The following PHACTR1 variants were observed in gnomAD, a reference collection of about 807,000 sequenced individuals.
The protein encoded by PHACTR1 is RPEL repeat containing 1.
Under a neutral mutation model 69.2 loss-of-function variants are expected in PHACTR1, and 16 were observed. The observed-to-expected ratio is 0.23, with a 90% CI of 0.16 to 0.35. The LOEUF (loss-of-function observed/expected upper bound fraction) is 0.35. PHACTR1 is among the 10% of genes least tolerant of loss of function. The probability of loss-of-function intolerance (pLI) is 1.00; values close to 1 mark genes in which losing one functional copy is unlikely to be tolerated. For synonymous variants in PHACTR1, 312 were observed against 284.5 expected (o/e 1.10, Z -0.97); for missense variants, 510 against 734.7 (o/e 0.69, Z 3.54).
At chr6:12,962,365 C>T (rs1792862517) in intron 4 of PHACTR1, among the ~76,000 whole-genome samples, 1 of 152,168 alleles carries the variant, frequency 6.6e-6, no homozygotes, top group Admixed American at 6.5e-5. Flanking sequence ...GTCAGGGCCT[C>T]AACATATGAA....
At chr6:12,772,292 T>C (rs7755132) in intron 4 of PHACTR1, among the ~76,000 whole-genome samples, 1,949 of 152,334 alleles carry the variant, frequency 0.013, 48 homozygotes, top group African/African-American at 0.044. Context: ...GGTTCACATA[T>C]TGATTTTTGT....
chr6:13,078,283 C>T (rs1040375630), intron 5 of PHACTR1, among the ~76,000 whole-genome samples: 5 of 152,170 alleles, frequency 3.3e-5, no homozygotes, highest in South Asian at 2.1e-4. Context: ...CCTCTGCCTT[C>T]GGCTTCACAT....
chr6:12,751,559 C>T (rs1211396326), intron 4 of PHACTR1, among the ~76,000 whole-genome samples: 1 of 152,336 alleles, frequency 6.6e-6, no homozygotes, highest in African/African-American at 2.4e-5. Flanking sequence ...ACTTTTATCA[C>T]AAAACAATAA....
At chr6:13,097,444 T>A (rs531983301) in intron 5 of PHACTR1, among the ~76,000 whole-genome samples, 2 of 152,232 alleles carry the variant, frequency 1.3e-5, no homozygotes, top group Non-Finnish European at 2.9e-5. Context: ...TTTTTGTTGT[T>A]ACACTGATCG....
At chr6:12,944,777 A>ATTTATTTTTTTTTTTTTTTTTTT (rs1554172498) in intron 4 of PHACTR1, among the ~76,000 whole-genome samples, 1 of 135,764 alleles carries the variant, frequency 7.4e-6, no homozygotes, top group African/African-American at 2.9e-5. Flanking sequence ...TTATTTATTT[A>ATTTATTTTTTTTTTTTTTTTTTT]TTTTTATTTA....
At chr6:13,178,090 T>C (rs959510360) in intron 6 of PHACTR1, among the ~76,000 whole-genome samples, 1 of 152,220 alleles carries the variant, frequency 6.6e-6, no homozygotes, top group Non-Finnish European at 1.5e-5. Flanking sequence ...GCTTTCTATG[T>C]CTCATGATTT....
At chr6:13,184,084 C>T (rs557779038) in intron 7 of PHACTR1, among the ~76,000 whole-genome samples, 1 of 152,328 alleles carries the variant, frequency 6.6e-6, no homozygotes, top group East Asian at 1.9e-4. Context: ...TCCCTTGCCT[C>T]GTCAAAGTTT....
Position 13,283,943 on chromosome 6 carries a change from AAAGAG to A in PHACTR1, c.1650+386_1650+390del, listed in dbSNP as rs1361459229. 4 of 219,812 alleles carry A rather than the reference AAAGAG, an allele frequency of 1.8e-5. No homozygotes were observed. Among genetic ancestry groups the A allele is most frequent in the Admixed American group, 1.1e-4 (2 of 18,872 alleles). 13.6% of individuals were successfully genotyped at this position (219,812 alleles called of 1,614,324 possible). A position where few individuals can be genotyped will look rare whatever the true frequency, so the allele number is the denominator to read the frequency against. On this transcript the variant is annotated intron_variant, in intron 13 of 14. Transcript: ENST00000332995. This position sits in a 1 kb window ranked among gnomAD's most constrained non-coding sequence, Gnocchi z 4.7. ...ATCCAACGAGGGATTCACCAAACCA[AAAGAG>A]AAGACAAAGTAGACGCATAACCCCA...
At chr6:12,812,270 G>A (rs137960555) in intron 4 of PHACTR1, among the ~76,000 whole-genome samples, 1,753 of 152,168 alleles carry the variant, frequency 0.012, 39 homozygotes, top group African/African-American at 0.04. Context: ...TTTGTGTCTG[G>A]CTTCTCTCAC....
At chr6:13,163,875 A>T (rs1443922851) in intron 6 of PHACTR1, among the ~76,000 whole-genome samples, 1 of 152,186 alleles carries the variant, frequency 6.6e-6, no homozygotes, top group African/African-American at 2.4e-5. Flanking sequence ...GTGACTTTAT[A>T]GCAATCTATA....
chr6:13,086,994 C>A (rs1261384284), intron 5 of PHACTR1, among the ~76,000 whole-genome samples: 1 of 151,840 alleles, frequency 6.6e-6, no homozygotes, highest in African/African-American at 2.4e-5. Flanking sequence ...TTCAAATTTG[C>A]ATTTTCATAA....
At chr6:13,266,676 A>G (rs1584312592) in intron 10 of PHACTR1, 1 of 152,568 alleles carries the variant, frequency 6.6e-6, no homozygotes, top group Middle Eastern at 3.4e-3. Flanking sequence ...GGAGTCTCAC[A>G]TTGGAGGAGC....
chr6:13,218,932 A>G (rs1401428355), intron 8 of PHACTR1, among the ~76,000 whole-genome samples: 3 of 151,142 alleles, frequency 2.0e-5, no homozygotes, highest in Non-Finnish European at 3.0e-5. Flanking sequence ...GAAAAAGGGA[A>G]AGGAGGCAGA....
At chr6:12,798,039 G>GACACACACACACAC (rs10529531) in intron 4 of PHACTR1, among the ~76,000 whole-genome samples, 63,016 of 137,676 alleles carry the variant, frequency 0.46, 16,522 homozygotes, top group South Asian at 0.65. Context: ...TCATTTCCTA[G>GACACACACACACAC]ACACACACAC....
At chr6:13,221,970 G>A (rs967877611) in intron 8 of PHACTR1, among the ~76,000 whole-genome samples, 5 of 152,064 alleles carry the variant, frequency 3.3e-5, no homozygotes, top group Non-Finnish European at 7.4e-5. Context: ...AGGAGGCGGA[G>A]GTTGCAGTGA....
intron 7 of PHACTR1, among the ~76,000 whole-genome samples, chr6:13,196,856 G>C (rs188356315): frequency 5.9e-5 from 9 of 152,294 alleles, no homozygotes; most frequent in African/African-American, 2.2e-4. Flanking sequence ...TCTTTCGCAA[G>C]CCTCTCTGCT....
At chr6:13,261,725 T>A (rs1279927017) in intron 10 of PHACTR1, among the ~76,000 whole-genome samples, 1 of 152,216 alleles carries the variant, frequency 6.6e-6, no homozygotes, top group Non-Finnish European at 1.5e-5. Context: ...GTATGGAACA[T>A]GCAGGAATAT....
intron 6 of PHACTR1, among the ~76,000 whole-genome samples, chr6:13,175,400 G>C (rs186973362): frequency 6.6e-6 from 1 of 152,152 alleles, no homozygotes; most frequent in Non-Finnish European, 1.5e-5. Context: ...TTTTCAAGGG[G>C]CAGACACTAA....
chr6:13,188,649 A>G (rs1763114254), intron 7 of PHACTR1, among the ~76,000 whole-genome samples: 2 of 152,248 alleles, frequency 1.3e-5, no homozygotes, highest in Non-Finnish European at 2.9e-5. Flanking sequence ...CTTCCACTTT[A>G]TCAGGAAAAT....
Sources: allele counts gnomAD v4.1 joint callset (sites outside exome capture counted in the v4.1 genomes callset), GRCh38; gene constraint gnomAD v4.1.1; non-coding constraint Gnocchi (gnomAD v3.1); transcripts MANE v1.5; gene names NCBI Gene and HGNC (gene_info 2026-07-23, HGNC 2026-07-21).